FNIP1: variants seen among roughly 807,000 people sequenced by gnomAD.
FNIP1 encodes the protein folliculin interacting protein 1.
A neutral mutation model predicts 124.5 loss-of-function variants in FNIP1; 40 were observed. The observed-to-expected ratio is 0.32, with a 90% confidence interval of 0.25 to 0.42. The LOEUF (loss-of-function observed/expected upper bound fraction) is 0.42. FNIP1 is among the 10% of genes least tolerant of loss of function. The pLI, the probability that FNIP1 is intolerant of heterozygous loss-of-function variation, is 1.00. For missense variants in FNIP1, 1,176 were observed against 1,403.7 expected, an observed-to-expected ratio of 0.84 and a Z score of 2.59; for synonymous variants, 472 against 470.6, an observed-to-expected ratio of 1.00 and a Z score of -0.04.
chr5:131,767,660 A>G (rs1771484313), intron 1 of FNIP1, among the ~76,000 whole-genome samples: 2 of 152,102 alleles, frequency 1.3e-5, no homozygotes, highest in Admixed American at 1.3e-4. Flanking sequence ...TTTGCTAAAC[A>G]AGTGAGTAAA....
chr5:131,697,138 A>C (rs897344645), intron 11 of FNIP1, among the ~76,000 whole-genome samples: 1 of 152,198 alleles, frequency 6.6e-6, no homozygotes, highest in Non-Finnish European at 1.5e-5. Flanking sequence ...CCATTTAAAC[A>C]AACAACAATC....
chr5:131,684,340 T>TA (rs1409729747), intron 11 of FNIP1, among the ~76,000 whole-genome samples: 1 of 152,202 alleles, frequency 6.6e-6, no homozygotes, highest in Non-Finnish European at 1.5e-5. Context: ...GGGTTACAAA[T>TA]AAATGTTAGC....
In FNIP1 at chr5:131,672,347, T is replaced by C; in HGVS notation, c.2097A>G (p.Leu699=). ...VDKCALSESG[L]ESTEETWQSE... ...TCTGCCATGTTTCCTCTGTTGACTC[T>C]AAGCCTGACTCTGACAATGCACATT... Residue 699 remains leucine, a synonymous_variant, in exon 14 of 18, where the codon TTA becomes TTG. Transcript: ENST00000510461. The C allele has an allele frequency of 6.2e-7, 1 of 1,614,226 alleles. No individual in the cohort carries two copies. Among genetic ancestry groups the C allele is most frequent in the South Asian group, 1.1e-5 (1 of 91,088 alleles).
At chr5:131,693,355 T>C (rs1413594814) in intron 11 of FNIP1, among the ~76,000 whole-genome samples, 4 of 135,304 alleles carry the variant, frequency 3.0e-5, no homozygotes, top group Non-Finnish European at 4.7e-5. Flanking sequence ...TATATATATA[T>C]ATATATAGTT....
intron 15 of FNIP1, among the ~76,000 whole-genome samples, chr5:131,657,245 A>G (rs989264879): frequency 6.6e-6 from 1 of 151,866 alleles, no homozygotes; most frequent in African/African-American, 2.4e-5. Context: ...CTCATGATCC[A>G]CACACCTCAG....
rs75501564 is a variant in FNIP1 at position 131,642,327 on chromosome 5, G to A, written c.*2358C>T. ...ATTAGGAATTACAAAACTCAGGAATGGGAAGCAGTGGGGAGGAACAAAACA... is the reference window on the plus strand; with the variant it reads ...ATTAGGAATTACAAAACTCAGGAATAGGAAGCAGTGGGGAGGAACAAAACA... On this transcript the variant is annotated 3_prime_UTR_variant, in exon 18 of 18. Coordinates refer to ENST00000510461, the MANE Select transcript of FNIP1 (RefSeq NM_133372.3). 1.8e-4 allele frequency: 28 copies of A among 152,650 alleles called. No homozygotes were observed. The highest frequency in any genetic ancestry group is 6.7e-4 in the African/African-American group (28 of 41,532). 9.5% of individuals were successfully genotyped at this position (152,650 alleles called of 1,614,324 possible). A position where few individuals can be genotyped will look rare whatever the true frequency, so the allele number is the denominator to read the frequency against.
At chr5:131,712,501 G>A (rs1327981825) in intron 6 of FNIP1, among the ~76,000 whole-genome samples, 2 of 151,992 alleles carry the variant, frequency 1.3e-5, no homozygotes, top group African/African-American at 2.4e-5. Context: ...ACACTTCAAC[G>A]AAAATATCAC....
At chr5:131,750,108 T>C (rs7731204) in intron 1 of FNIP1, among the ~76,000 whole-genome samples, 2 of 152,292 alleles carry the variant, frequency 1.3e-5, no homozygotes, top group Non-Finnish European at 2.9e-5. Flanking sequence ...TAGGACCTCA[T>C]GTGCTTGAAT....
chr5:131,764,904 G>T (rs1017914159), intron 1 of FNIP1, among the ~76,000 whole-genome samples: 6 of 152,016 alleles, frequency 3.9e-5, no homozygotes, highest in Non-Finnish European at 7.4e-5. Context: ...TTCCTTAAAG[G>T]TAAGTAGAAG....
At chr5:131,739,095 C>T (rs551707135) in intron 2 of FNIP1, among the ~76,000 whole-genome samples, 11 of 152,292 alleles carry the variant, frequency 7.2e-5, no homozygotes, top group East Asian at 3.9e-4. Flanking sequence ...GGTTTACAGG[C>T]GTGAGCCACT....
intron 2 of FNIP1, among the ~76,000 whole-genome samples, chr5:131,739,809 G>T: frequency 2.1e-5 from 2 of 94,908 alleles, no homozygotes; most frequent in African/African-American, 9.0e-5. Flanking sequence ...TGAGACTCCA[G>T]CTCAAAAAAA....
Position 131,796,978 on chromosome 5 carries a change from T to G in FNIP1, c.-57A>C. The G allele has an allele frequency of 2.0e-6, 3 of 1,473,322 alleles. No individual in the cohort carries two copies. Among genetic ancestry groups the G allele is most frequent in the Non-Finnish European group, 2.8e-6 (3 of 1,084,730 alleles). The allele number at this position is 1,473,322 out of a possible 1,614,324, so 91.3% of individuals were successfully genotyped here. On this transcript the variant is annotated 5_prime_UTR_variant, in exon 1 of 18. It removes the in-frame stop codon of an upstream open reading frame in the 5' UTR. Transcript: ENST00000510461. ...TGGGCGCTTGCTAGGCCCCTGCTCCTACAGCCGCCCCGCCACCCCCATGGG... is the reference window on the plus strand; with the variant it reads ...TGGGCGCTTGCTAGGCCCCTGCTCCGACAGCCGCCCCGCCACCCCCATGGG...
At chr5:131,784,780 C>T (rs558229675) in intron 1 of FNIP1, among the ~76,000 whole-genome samples, 2 of 151,240 alleles carry the variant, frequency 1.3e-5, no homozygotes, top group East Asian at 3.9e-4. Flanking sequence ...CATGACCACG[C>T]CACTGCACTC....
At position 131,699,010 on chromosome 5, in the gene FNIP1, A is replaced by G. The variant is rs1435113289; in HGVS notation, c.1117-8T>C. ...CCGGCTCATTTTCATAGCCTTGAAAACAATCATTGAGATAGTTAATTCTTA... is the reference window on the plus strand; with the variant it reads ...CCGGCTCATTTTCATAGCCTTGAAAGCAATCATTGAGATAGTTAATTCTTA... On this transcript the variant is annotated splice_region_variant and splice_polypyrimidine_tract_variant and intron_variant, in intron 10 of 17. Transcript: ENST00000510461. 6.2e-7 allele frequency: 1 copy of G among 1,601,720 alleles called. No homozygotes were observed.
intron 10 of FNIP1, among the ~76,000 whole-genome samples, chr5:131,700,808 A>C (rs1015966938): frequency 5.3e-5 from 8 of 152,290 alleles, no homozygotes; most frequent in African/African-American, 1.9e-4. Flanking sequence ...ATTCACTATT[A>C]TATTCTATTC....
rs573961520 is a variant in FNIP1, at chr5:131,708,590, G to T, written c.778+611C>A. On this transcript the variant is annotated intron_variant, in intron 8 of 17. Transcript: ENST00000510461. ...CCCAGGCTAAGTGTGGTGCTCTTTC[G>T]CTGAAGCTTTTTGCGCAGGCCTATC... Among the ~76,000 whole-genome samples the T allele has an allele frequency of 1.1e-4, 17 of 152,176 alleles. No homozygotes were observed. In the South Asian group the frequency reaches 3.5e-3, roughly 32 times the overall value.
intron 15 of FNIP1, among the ~76,000 whole-genome samples, chr5:131,669,628 C>T (rs1232937008): frequency 6.6e-6 from 1 of 151,750 alleles, no homozygotes; most frequent in African/African-American, 2.4e-5. Context: ...TGACAAAATC[C>T]CACACTCATT....
chr5:131,728,008 CA>C (rs1271959711), intron 3 of FNIP1, among the ~76,000 whole-genome samples: 1 of 152,202 alleles, frequency 6.6e-6, no homozygotes, highest in Non-Finnish European at 1.5e-5. Context: ...ATTGGTCCCC[CA>C]CTCTCTTCTG....
intron 6 of FNIP1, among the ~76,000 whole-genome samples, chr5:131,713,633 C>A (rs1769374246): frequency 6.6e-6 from 1 of 152,224 alleles, no homozygotes; most frequent in Non-Finnish European, 1.5e-5. Flanking sequence ...GTACTTCCAA[C>A]TGAACATGCC....
Sources: allele counts gnomAD v4.1 joint callset (sites outside exome capture counted in the v4.1 genomes callset), GRCh38; gene constraint gnomAD v4.1.1; transcripts MANE v1.5; gene names NCBI Gene and HGNC (gene_info 2026-07-23, HGNC 2026-07-21).